Variants in KLF12 observed in about 807,000 individuals in gnomAD.
KLF12 encodes the protein Krueppel-like factor 12.
In KLF12, 9 loss-of-function variants were observed where a neutral mutation model predicts 37.8. The observed-to-expected ratio is 0.24, with a 90% confidence interval of 0.14 to 0.42. KLF12 has a LOEUF of 0.42. Ranked by LOEUF, KLF12 falls within the 10% of genes least tolerant of loss-of-function variation. KLF12 has a pLI of 1.00. For synonymous variants in KLF12, 208 were observed against 202.1 expected, an observed-to-expected ratio of 1.03 and a Z score of -0.25; for missense variants, 411 against 516.0, an observed-to-expected ratio of 0.80 and a Z score of 1.97.
chr13:74,251,898 C>T, the KLF12 span, among the ~76,000 whole-genome samples: 1 of 152,162 alleles, frequency 6.6e-6, no homozygotes, highest in Admixed American at 6.5e-5. Context: ...TTCCAGACCC[C>T]AGTTGCAAGC....
chr13:74,064,115 C>T (rs1298210102), intron 1 of KLF12, among the ~76,000 whole-genome samples: 1 of 152,152 alleles, frequency 6.6e-6, no homozygotes, highest in Non-Finnish European at 1.5e-5. Flanking sequence ...CTATTCCCAG[C>T]ACCCCTCAGT....
At chr13:73,765,117 A>G in intron 5 of KLF12, 117 bp from the exon 6 acceptor site, 3 of 620,598 alleles carry the variant, frequency 4.8e-6, no homozygotes, top group Non-Finnish European at 5.6e-6. Flanking sequence ...CAAAATCCCC[A>G]GAACTTGAAC....
the KLF12 span, among the ~76,000 whole-genome samples, chr13:74,271,219 A>C: frequency 3.3e-5 from 5 of 152,274 alleles, no homozygotes; most frequent in East Asian, 9.6e-4. Flanking sequence ...CTGTGGAAAA[A>C]TTGTCTTCCA....
the KLF12 span, among the ~76,000 whole-genome samples, chr13:74,195,074 T>A: frequency 6.6e-6 from 1 of 152,154 alleles, no homozygotes; most frequent in Non-Finnish European, 1.5e-5. Context: ...AAGCTCTCTG[T>A]GGTTGGTCCT....
At chr13:73,697,617 T>G (rs1284926378) in intron 7 of KLF12, among the ~76,000 whole-genome samples, 2 of 152,218 alleles carry the variant, frequency 1.3e-5, no homozygotes, top group African/African-American at 4.8e-5. Flanking sequence ...ACTATGAGCA[T>G]AGTTGAGCTT....
At chr13:73,802,417 ATGTTCTTC>A (rs1409248869) in intron 5 of KLF12, among the ~76,000 whole-genome samples, 2 of 152,174 alleles carry the variant, frequency 1.3e-5, no homozygotes, top group African/African-American at 4.8e-5. Context: ...GAAAAATAAG[ATGTTCTTC>A]AAAAAATCAC....
chr13:74,217,311 CT>C, the KLF12 span, among the ~76,000 whole-genome samples: 34,951 of 144,676 alleles, frequency 0.24, 5,239 homozygotes, highest in African/African-American at 0.44. Context: ...TAATAGATGA[CT>C]TTTTTTTTTT....
chr13:74,199,196 C>T, the KLF12 span, among the ~76,000 whole-genome samples: 3 of 152,160 alleles, frequency 2.0e-5, no homozygotes, highest in Non-Finnish European at 2.9e-5. Context: ...TGCCTTCTAA[C>T]CCAAAAACTC....
At chr13:74,093,140 A>G (rs1460855411) in intron 1 of KLF12, among the ~76,000 whole-genome samples, 1 of 152,212 alleles carries the variant, frequency 6.6e-6, no homozygotes, top group African/African-American at 2.4e-5. Flanking sequence ...TTAGACAACC[A>G]AAGTCCCTTT....
the KLF12 span, among the ~76,000 whole-genome samples, chr13:74,141,892 A>G: frequency 6.6e-5 from 10 of 152,314 alleles, no homozygotes; most frequent in South Asian, 1.7e-3. Flanking sequence ...GTAATGTTTC[A>G]TAATGTTTTA....
chr13:74,003,456 T>C (rs1892331433), intron 1 of KLF12, among the ~76,000 whole-genome samples: 1 of 152,178 alleles, frequency 6.6e-6, no homozygotes, highest in Non-Finnish European at 1.5e-5. Context: ...AGCCTGTTGA[T>C]ATGAAAGGGG....
chr13:73,752,559 T>C (rs1465232900), intron 6 of KLF12, among the ~76,000 whole-genome samples: 2 of 145,750 alleles, frequency 1.4e-5, no homozygotes, highest in East Asian at 3.9e-4. Context: ...CCTTGATTCT[T>C]CTCTTCATTT....
intron 5 of KLF12, among the ~76,000 whole-genome samples, chr13:73,774,562 T>G (rs1019547075): frequency 6.6e-6 from 1 of 152,158 alleles, no homozygotes; most frequent in Non-Finnish European, 1.5e-5. Flanking sequence ...TCAGTAGTTT[T>G]GTTAATTGTT....
chr13:74,042,372 GTCACACGTGCATTCA>G (rs1481835425), intron 1 of KLF12, among the ~76,000 whole-genome samples: 2 of 151,896 alleles, frequency 1.3e-5, no homozygotes, highest in Non-Finnish European at 2.9e-5. Context: ...AATAGATAAG[GTCACACGTGCATTCA>G]GCGTTAAGGA....
chr13:73,836,102 A>C (rs953871051), intron 4 of KLF12, among the ~76,000 whole-genome samples: 4 of 152,162 alleles, frequency 2.6e-5, no homozygotes, highest in Admixed American at 2.6e-4. Context: ...CAATGATCAA[A>C]GTAGCATTTC....
chr13:73,711,007 T>G (rs780115604), intron 7 of KLF12, among the ~76,000 whole-genome samples: 5 of 152,218 alleles, frequency 3.3e-5, no homozygotes, highest in Non-Finnish European at 7.3e-5. Context: ...TATCGCTGAT[T>G]TGGAGAAAGT....
At position 73,689,738 on chromosome 13, in the gene KLF12, A is replaced by G. The variant is rs1167957151; in HGVS notation, c.*5752T>C. On this transcript the variant is annotated 3_prime_UTR_variant, in exon 8 of 8. Coordinates refer to ENST00000377669, the MANE Select transcript of KLF12 (RefSeq NM_007249.5). ...ATGATAATAGGAAATATTAGGGGAA[A>G]GGGGAATGAAGAAATGTAAAGATGA... is the stretch of plus-strand genomic sequence containing the variant. The G allele has an allele frequency of 6.6e-6, 1 of 152,210 alleles. No homozygotes were observed. The highest frequency in any genetic ancestry group is 1.5e-5 in the Non-Finnish European group (1 of 68,026). The allele number at this position is 152,210 out of a possible 1,614,324, so 9.4% of individuals were successfully genotyped here.
intron 2 of KLF12, among the ~76,000 whole-genome samples, chr13:73,945,417 C>T (rs1593767557): frequency 6.6e-6 from 1 of 151,522 alleles, no homozygotes; most frequent in Admixed American, 6.6e-5. Context: ...TGCAGTGAGC[C>T]GAGATCACGC....
the KLF12 span, among the ~76,000 whole-genome samples, chr13:74,187,162 C>T: frequency 0.014 from 2,118 of 152,044 alleles, 48 homozygotes; most frequent in African/African-American, 0.045. Flanking sequence ...ACCCCATCTC[C>T]ACAAAAAATA....
Sources: gnomAD v4.1 joint callset for allele counts (sites outside exome capture counted in the v4.1 genomes callset) on GRCh38, gnomAD v4.1.1 for gene constraint, MANE v1.5 for transcripts, NCBI Gene and HGNC (gene_info 2026-07-23, HGNC 2026-07-21) for gene names.